The following EIF3J variants were observed in gnomAD, a reference collection of about 807,000 sequenced individuals.
EIF3J encodes the protein eukaryotic translation initiation factor 3 subunit J.
A neutral mutation model predicts 39.0 loss-of-function variants in EIF3J; 15 were observed. The observed-to-expected ratio is 0.38, with a 90% confidence interval of 0.26 to 0.59. EIF3J has a LOEUF of 0.59. Ranked by LOEUF, EIF3J falls within the 20% of genes least tolerant of loss-of-function variation. The probability of loss-of-function intolerance (pLI) is 0.60; values close to 1 mark genes in which losing one functional copy is unlikely to be tolerated. For missense variants in EIF3J, 226 were observed against 308.6 expected (o/e 0.73, Z 2.00); for synonymous variants, 98 against 112.9 (o/e 0.87, Z 0.84).
intron 6 of EIF3J, among the ~76,000 whole-genome samples, chr15:44,559,473 G>A (rs1457402841): frequency 6.6e-6 from 1 of 151,698 alleles, no homozygotes; most frequent in Non-Finnish European, 1.5e-5. Flanking sequence ...CACTTTGGGA[G>A]GCCGAGGCAG....
intron 2 of EIF3J, among the ~76,000 whole-genome samples, chr15:44,549,177 T>C (rs2082077761): frequency 6.6e-6 from 1 of 150,402 alleles, no homozygotes; most frequent in South Asian, 2.1e-4. Flanking sequence ...GCGGATCACC[T>C]GAGGTTGGGA....
intron 5 of EIF3J, among the ~76,000 whole-genome samples, chr15:44,556,895 A>T (rs2082149351): frequency 6.6e-6 from 1 of 152,108 alleles, no homozygotes. Flanking sequence ...CCTGGCCTCA[A>T]GCGATCCTTC....
rs745581861 is a variant in EIF3J, at chr15:44,550,900, G to C, written c.172G>C (p.Glu58Gln). The C allele has an allele frequency of 3.1e-6, 5 of 1,606,688 alleles. No homozygotes were observed. The East Asian group carries it at 1.1e-4, about 36-fold the overall frequency. The change falls in exon 3 of 8, where the codon GAA becomes CAA. Residue 58 changes from glutamate (E) to glutamine (Q), a missense_variant. Glu to Gln is a conservative substitution (Grantham distance 29). Coordinates refer to ENST00000261868, the MANE Select transcript of EIF3J (RefSeq NM_003758.4). ...VKDNWDDDDD[E>Q]KKEEAEVKPE... ...GGATAACTGGGATGACGATGATGAT[G>C]AAAAAAAAGAGGAAGCAGAAGTAAA...
At chr15:44,554,020 A>G (rs538409059) in intron 4 of EIF3J, among the ~76,000 whole-genome samples, 2 of 152,086 alleles carry the variant, frequency 1.3e-5, no homozygotes, top group South Asian at 4.1e-4. Flanking sequence ...GTTACCTTCT[A>G]TTTAGTTGTG....
At chr15:44,551,013 T>C in intron 3 of EIF3J, 83 bp downstream of exon 3, 1 of 1,511,816 alleles carries the variant, frequency 6.6e-7, no homozygotes, top group South Asian at 1.3e-5. Flanking sequence ...GACAGAACGC[T>C]CACAAAATGG....
chr15:44,550,621 C>A, intron 2 of EIF3J: 1 of 295,106 alleles, frequency 3.4e-6, no homozygotes, highest in Non-Finnish European at 6.3e-6. Context: ...TGCGCAGAGC[C>A]TCTAATAGGG....
intron 2 of EIF3J, among the ~76,000 whole-genome samples, chr15:44,539,561 C>T (rs1169283609): frequency 2.0e-5 from 3 of 151,412 alleles, no homozygotes; most frequent in East Asian, 2.0e-4. Context: ...CCACCACGCC[C>T]GGCTAATTTT....
chr15:44,544,608 G>C (rs1198140104), intron 2 of EIF3J, among the ~76,000 whole-genome samples: 1 of 151,484 alleles, frequency 6.6e-6, no homozygotes, highest in African/African-American at 2.4e-5. Flanking sequence ...GGAGGCTGAG[G>C]CAGGAGAATC....
chr15:44,553,519 T>A (rs1483658663), intron 4 of EIF3J, among the ~76,000 whole-genome samples: 1 of 151,926 alleles, frequency 6.6e-6, no homozygotes, highest in African/African-American at 2.4e-5. Context: ...AATAATTATA[T>A]TCCAGTATAA....
chr15:44,552,224 C>A (rs1211449580), intron 4 of EIF3J, among the ~76,000 whole-genome samples: 1 of 151,906 alleles, frequency 6.6e-6, no homozygotes, highest in Non-Finnish European at 1.5e-5. Context: ...TTTTTTGGCA[C>A]AGGATCAGAA....
chr15:44,551,468 G>C lies in EIF3J; in HGVS notation c.240G>C (p.Lys80Asn). 6.3e-7 allele frequency: 1 copy of C among 1,589,180 alleles called. No homozygotes were observed. The highest frequency in any genetic ancestry group is 1.2e-5 in the South Asian group (1 of 86,286). Residue 80 changes from lysine to asparagine, a missense_variant, in exon 4 of 8, where the codon AAG becomes AAC. By Grantham distance (94) the Lys-to-Asn change is moderately conservative. Coordinates refer to ENST00000261868, the MANE Select transcript of EIF3J (RefSeq NM_003758.4). ...CAGAAAAGAAAAAAATAGCAGAGAA[G>C]ATAAAAGAGAAAGAACGGCAACAGA... ...KISEKKKIAE[K>N]IKEKERQQKK...
Position 44,546,816 on chromosome 15 carries a change from C to CTT in EIF3J, c.148-4033_148-4032dup, listed in dbSNP as rs1160471321. Among the ~76,000 whole-genome samples the CTT allele has an allele frequency of 4.1e-3, 325 of 78,902 alleles. 44 individuals are homozygous for CTT. The highest frequency in any genetic ancestry group is 6.7e-3 in the African/African-American group (132 of 19,584). The allele number at this position is 78,902 out of a possible 152,430, so 51.8% of individuals were successfully genotyped here. On this transcript the variant is annotated intron_variant, in intron 2 of 7. Transcript: ENST00000261868. ...GGCATAGAAAAAACAGAGTATAGAT[C>CTT]TTTTTTTTTTTTTTTTTTTTTTTTT... is the stretch of plus-strand genomic sequence containing the variant.
rs1211828819 is a variant in EIF3J at position 44,549,744 on chromosome 15, G to A, written c.148-1132G>A. On this transcript the variant is annotated intron_variant, in intron 2 of 7. Coordinates refer to ENST00000261868, the MANE Select transcript of EIF3J (RefSeq NM_003758.4). Reference sequence around the variant, plus strand: ...ATCGTCCCTGTATTCCAGCCTGGGCGACAGAACGAGACTCCGTCTCAAAAA... The same window carrying A: ...ATCGTCCCTGTATTCCAGCCTGGGCAACAGAACGAGACTCCGTCTCAAAAA... Among the ~76,000 whole-genome samples, 3 of 109,988 alleles carry A rather than the reference G, an allele frequency of 2.7e-5. No homozygotes were observed. In the South Asian group the frequency reaches 9.7e-4, roughly 36 times the overall value. 72.2% of individuals were successfully genotyped at this position (109,988 alleles called of 152,430 possible).
intron 2 of EIF3J, among the ~76,000 whole-genome samples, chr15:44,542,230 T>A (rs2082019592): frequency 6.6e-6 from 1 of 152,156 alleles, no homozygotes; most frequent in African/African-American, 2.4e-5. Flanking sequence ...TTTTGGCTTT[T>A]AAAAAACTGA....
rs1403674938 is a variant in EIF3J, at chr15:44,561,908, T to C, written c.*759T>C. On this transcript the variant is annotated 3_prime_UTR_variant, in exon 8 of 8. Coordinates refer to ENST00000261868, the MANE Select transcript of EIF3J (RefSeq NM_003758.4). ...TCTGAGAAACAAATCTTTGTTCTCT[T>C]AGGCTGCAATGGAACAACTTTACCA... 1 of 152,666 alleles carries C rather than the reference T, an allele frequency of 6.6e-6. No individual in the cohort carries two copies. The highest frequency in any genetic ancestry group is 1.5e-5 in the Non-Finnish European group (1 of 68,046). 9.5% of individuals were successfully genotyped at this position (152,666 alleles called of 1,614,324 possible). A position where few individuals can be genotyped will look rare whatever the true frequency, so the allele number is the denominator to read the frequency against.
intron 2 of EIF3J, among the ~76,000 whole-genome samples, chr15:44,545,002 C>CAA (rs201451152): frequency 1.8e-4 from 21 of 114,464 alleles, no homozygotes; most frequent in African/African-American, 5.1e-4. Flanking sequence ...GACTCCATCT[C>CAA]AAAAAAAAAA....
chr15:44,548,597 A>G (rs1426038359), intron 2 of EIF3J, among the ~76,000 whole-genome samples: 1 of 152,238 alleles, frequency 6.6e-6, no homozygotes, highest in Non-Finnish European at 1.5e-5. Flanking sequence ...GGTATTGTAT[A>G]AACAACAGAT....
chr15:44,547,207 G>A (rs2082060754), intron 2 of EIF3J, among the ~76,000 whole-genome samples: 1 of 152,050 alleles, frequency 6.6e-6, no homozygotes, highest in Middle Eastern at 3.4e-3. Context: ...GCAATGGCGC[G>A]ATCTCGGCTC....
At chr15:44,539,104 G>T (rs532855451) in intron 2 of EIF3J, among the ~76,000 whole-genome samples, 1 of 146,082 alleles carries the variant, frequency 6.8e-6, no homozygotes, top group African/African-American at 2.6e-5. Flanking sequence ...TTGGCTCACT[G>T]CAACCTCCAC....
Sources: gnomAD v4.1 joint callset for allele counts (sites outside exome capture counted in the v4.1 genomes callset) on GRCh38, gnomAD v4.1.1 for gene constraint, MANE v1.5 for transcripts, NCBI Gene and HGNC (gene_info 2026-07-23, HGNC 2026-07-21) for gene names.